MLPH: variants seen among roughly 807,000 people sequenced by gnomAD.
MLPH encodes exophilin-3.
MLPH carries 51 observed loss-of-function variants against 72.1 expected under a neutral mutation model. The observed-to-expected ratio is 0.71, with a 90% CI of 0.56 to 0.89. MLPH has a LOEUF of 0.89. Among genes scored for constraint, MLPH ranks in the 40% least tolerant of loss-of-function variants. The pLI is 0.00. For synonymous variants in MLPH, 301 were observed against 310.1 expected (o/e 0.97, Z 0.31); for missense variants, 743 against 759.9 (o/e 0.98, Z 0.26).
chr2:237,529,415 A>G lies in MLPH; in HGVS notation c.1020+1899A>G, dbSNP rs140713209. Among the ~76,000 whole-genome samples, 517 of 152,304 alleles carry G rather than the reference A, an allele frequency of 3.4e-3. 3 individuals are homozygous for G. Among genetic ancestry groups the G allele is most frequent in the African/African-American group, 0.012 (481 of 41,556 alleles). ...TAACACCTGTTAAATTAGTAGAATC[A>G]CTCACATTGTAGACATTAACTTATG... On this transcript the variant is annotated intron_variant, in intron 8 of 15. Transcript: ENST00000264605.
chr2:237,490,498 G>C (rs576863332), intron 1 of MLPH, among the ~76,000 whole-genome samples: 2 of 152,232 alleles, frequency 1.3e-5, no homozygotes, highest in East Asian at 1.9e-4. Flanking sequence ...AAGAAAAGCA[G>C]GTTTTTCCTT....
rs2079747802 is a variant in MLPH at position 237,505,473 on chromosome 2, G to T, written c.111-5101G>T. 6.6e-6 allele frequency among the ~76,000 whole-genome samples: 1 copy of T among 152,132 alleles called. No homozygotes were observed. On this transcript the variant is annotated intron_variant, in intron 2 of 15. Transcript: ENST00000264605. This position sits in a 1 kb window ranked among gnomAD's most constrained non-coding sequence, Gnocchi z 4.5. ...GAGGCCCACAGGACCCCTCATGCAG[G>T]CTCTTCCCCCGCCTGTGTGCTGGAC... is the stretch of plus-strand genomic sequence containing the variant.
At chr2:237,516,295 G>T (rs886964097) in intron 4 of MLPH, among the ~76,000 whole-genome samples, 7 of 152,204 alleles carry the variant, frequency 4.6e-5, no homozygotes, top group African/African-American at 1.4e-4. Context: ...CACCGGCCAA[G>T]CCAAGGTCAG....
chr2:237,511,679 A>G (rs1356275706), intron 4 of MLPH: 1 of 154,086 alleles, frequency 6.5e-6, no homozygotes, highest in African/African-American at 2.4e-5. Context: ...TTTTCAACAA[A>G]CATTTCACAT....
In MLPH at chr2:237,549,278, G is replaced by T. The variant is rs749443565; in HGVS notation, c.1675G>T (p.Gly559Cys). 6.2e-6 allele frequency: 10 copies of T among 1,613,872 alleles called. No homozygotes were observed. In the East Asian group the frequency reaches 2.0e-4, roughly 32 times the overall value. The change falls in exon 14 of 16, where the codon GGT (glycine) becomes TGT (cysteine). Residue 559 changes from glycine (G) to cysteine (C), a missense_variant and splice_region_variant. By Grantham distance (159) the Gly-to-Cys change is radical. Transcript: ENST00000264605. The part of the protein sequence containing the change: ...RKFSNSLKSQ[G>C]KDDDSFDRKS... ...GTTCAGTAATTCCCTGAAAAGTCAA[G>T]GTAAGAGCCCTCTGCTCCCCCACCC...
rs2106299246 is a variant in MLPH at position 237,512,906 on chromosome 2, A to T, written c.445+1805A>T. On this transcript the variant is annotated intron_variant, in intron 4 of 15. Transcript: ENST00000264605. The surrounding 1 kb of genome is among the most constrained non-coding windows in gnomAD (Gnocchi z 5.5). ...CCCACCAGAACCTGCTGACTTCAAA[A>T]TCATCACCACCAAGGGGCCAGGAGG... Among the ~76,000 whole-genome samples the T allele has an allele frequency of 6.6e-6, 1 of 151,958 alleles. No homozygotes were observed. Among genetic ancestry groups the T allele is most frequent in the Non-Finnish European group, 1.5e-5 (1 of 67,972 alleles).
rs567282816 is a variant in MLPH at position 237,518,281 on chromosome 2, G to A, written c.446-258G>A. On this transcript the variant is annotated intron_variant, in intron 4 of 15. Transcript: ENST00000264605. ...TGCATGGATGGATGGGCTGCCCATT[G>A]AGTAGGTGGATGAGTGGATAAATGG... 4.3e-3 allele frequency: 2,455 copies of A among 574,372 alleles called. 4 individuals are homozygous for A. Among genetic ancestry groups the A allele is most frequent in the Non-Finnish European group, 6.1e-3 (1,871 of 308,120 alleles). 35.6% of individuals were successfully genotyped at this position (574,372 alleles called of 1,614,324 possible).
chr2:237,509,982 A>G (rs2079855193), intron 2 of MLPH: 1 of 158,758 alleles, frequency 6.3e-6, no homozygotes, highest in Non-Finnish European at 1.4e-5. Context: ...GTTCATTATC[A>G]TCTAAGGATA....
chr2:237,491,764 A>G (rs1238915423), intron 1 of MLPH, among the ~76,000 whole-genome samples: 1 of 152,158 alleles, frequency 6.6e-6, no homozygotes, highest in Non-Finnish European at 1.5e-5. Context: ...TAATGTCCAC[A>G]TCAATATAAG....
At chr2:237,494,698 A>T (rs1026339522) in intron 2 of MLPH, among the ~76,000 whole-genome samples, 1 of 152,148 alleles carries the variant, frequency 6.6e-6, no homozygotes, top group African/African-American at 2.4e-5. Flanking sequence ...GAGGCCACAG[A>T]TGGAGAGGTT....
rs373596389 is a variant in MLPH at position 237,489,178 on chromosome 2, C to G, written c.-25+1741C>G. ...CCCACCTCTCAGCACCATCCTCCTA[C>G]AGCCTCACCTGGGACCCATCCTTGC... On this transcript the variant is annotated intron_variant, in intron 1 of 15. Transcript: ENST00000264605. 5.3e-5 allele frequency among the ~76,000 whole-genome samples: 8 copies of G among 152,364 alleles called. No homozygotes were observed. In the South Asian group the frequency reaches 1.0e-3, roughly 20 times the overall value.
At position 237,493,469 on chromosome 2, in the gene MLPH, G is replaced by A. The variant is rs775796264; in HGVS notation, c.43G>A (p.Ala15Thr). The A allele has an allele frequency of 3.1e-6, 5 of 1,613,990 alleles. No homozygotes were observed. The African/African-American group carries it at 4.0e-5, about 13-fold the overall frequency. Residue 15 changes from alanine to threonine, a missense_variant, in exon 2 of 16, where the codon GCC becomes ACC. By Grantham distance (58) the Ala-to-Thr change is moderately conservative. Coordinates refer to ENST00000264605, the MANE Select transcript of MLPH (RefSeq NM_024101.7). ...LDLSKLTDEE[A>T]QHVLEVVQRD... Reference sequence around the variant, plus strand: ...TCTTTCCAAGCTCACTGATGAAGAGGCCCAGCATGTCTTGGAAGTTGTTCA... The same window carrying A: ...TCTTTCCAAGCTCACTGATGAAGAGACCCAGCATGTCTTGGAAGTTGTTCA...
intron 13 of MLPH, among the ~76,000 whole-genome samples, chr2:237,547,170 G>A (rs138031307): frequency 1.4e-3 from 211 of 152,382 alleles, no homozygotes; most frequent in Admixed American, 2.4e-3. Context: ...CGGGCCCGTG[G>A]CCTGGGGACT....
chr2:237,493,473 A>C lies in MLPH; in HGVS notation c.47A>C (p.Gln16Pro). Residue 16 changes from glutamine to proline, a missense_variant, in exon 2 of 16, where the codon CAG becomes CCG. Transcript: ENST00000264605. ...DLSKLTDEEAQHVLEVVQRDF... is the reference protein window; with the variant it reads ...DLSKLTDEEAPHVLEVVQRDF... Reference sequence around the variant, plus strand: ...TCCAAGCTCACTGATGAAGAGGCCCAGCATGTCTTGGAAGTTGTTCAACGA... The same window carrying C: ...TCCAAGCTCACTGATGAAGAGGCCCCGCATGTCTTGGAAGTTGTTCAACGA... 5 of 1,614,122 alleles carry C rather than the reference A, an allele frequency of 3.1e-6. No homozygotes were observed. The highest frequency in any genetic ancestry group is 4.2e-6 in the Non-Finnish European group (5 of 1,179,974).
intron 5 of MLPH, among the ~76,000 whole-genome samples, chr2:237,519,621 G>A (rs557536463): frequency 3.0e-4 from 46 of 152,272 alleles, no homozygotes; most frequent in African/African-American, 1.1e-3. Context: ...GGTCCCTGGG[G>A]CAAGTGCAGG....
At position 237,535,162 on chromosome 2, in the gene MLPH, G is replaced by A. The variant is rs186618197; in HGVS notation, c.1104+515G>A. Among the ~76,000 whole-genome samples, 199 of 152,296 alleles carry A rather than the reference G, an allele frequency of 1.3e-3. 2 individuals carry two copies. The highest frequency in any genetic ancestry group is 3.9e-3 in the Admixed American group (59 of 15,308). On this transcript the variant is annotated intron_variant, in intron 9 of 15. Transcript: ENST00000264605. ...AGGACCAAGGGGTGGCATCTGGTGAGGGCCTTCTTGCTGTGTCACCACATG... is the reference window on the plus strand; with the variant it reads ...AGGACCAAGGGGTGGCATCTGGTGAAGGCCTTCTTGCTGTGTCACCACATG...
At chr2:237,549,422 G>C (rs149149653) in intron 14 of MLPH, 144 bp downstream of exon 14, 1 of 868,534 alleles carries the variant, frequency 1.2e-6, no homozygotes, top group African/African-American at 1.6e-5. Context: ...TCCCAGTGCC[G>C]CTCGGGCCAC....
At chr2:237,524,321 A>ATATATATATATAT (rs1559357447) in intron 6 of MLPH, among the ~76,000 whole-genome samples, 15 of 146,192 alleles carry the variant, frequency 1.0e-4, no homozygotes, top group African/African-American at 3.3e-4. Flanking sequence ...ATATATATAT[A>ATATATATATATAT]AAGGGGAGTT....
At position 237,510,614 on chromosome 2, in the gene MLPH, G is replaced by A. The variant is rs1024368902; in HGVS notation, c.151G>A (p.Glu51Lys). The change falls in exon 3 of 16, where the codon GAG becomes AAG. Residue 51 changes from glutamate (E) to lysine (K), a missense_variant. Glu to Lys is a moderately conservative substitution (Grantham distance 56). Transcript: ENST00000264605. The surrounding 1 kb of genome is among the most constrained non-coding windows in gnomAD (Gnocchi z 4.4). ...GKIKKESSKR[E>K]LLSDTAHLNE... ...GATTAAGAAGGAAAGCTCCAAGAGG[G>A]AGCTGCTTTCCGACACTGCCCATCT... 4.3e-6 allele frequency: 7 copies of A among 1,613,514 alleles called. No homozygotes were observed. The Admixed American group carries it at 1.2e-4, about 27-fold the overall frequency.
Sources: gnomAD v4.1 joint callset for allele counts (sites outside exome capture counted in the v4.1 genomes callset) on GRCh38, gnomAD v4.1.1 for gene constraint, Gnocchi (gnomAD v3.1) non-coding constraint, MANE v1.5 for transcripts, NCBI Gene and HGNC (gene_info 2026-07-23, HGNC 2026-07-21) for gene names.